TNFAIP2: variants seen among roughly 807,000 people sequenced by gnomAD.
The protein encoded by TNFAIP2 is TNF alpha induced protein 2, also known as tumor necrosis factor alpha-induced protein 2.
A neutral mutation model predicts 63.5 loss-of-function variants in TNFAIP2; 47 were observed. The observed-to-expected ratio is 0.74, with a 90% CI of 0.59 to 0.94. The LOEUF (loss-of-function observed/expected upper bound fraction) is 0.94, where lower values mean the gene tolerates loss of function less well. TNFAIP2 is among the 40% of genes least tolerant of loss of function. TNFAIP2 has a pLI of 0.00. For missense variants in TNFAIP2, 787 were observed against 850.2 expected (o/e 0.93, Z 0.92); for synonymous variants, 405 against 390.2 (o/e 1.04, Z -0.45).
rs1252686893 is a variant in TNFAIP2 at position 103,130,063 on chromosome 14, A to G, written c.1037A>G (p.Asp346Gly). 1 of 1,613,354 alleles carries G rather than the reference A, an allele frequency of 6.2e-7. No individual in the cohort carries two copies. Among genetic ancestry groups the G allele is most frequent in the Admixed American group, 1.7e-5 (1 of 60,014 alleles). The change falls in exon 5 of 12, where the codon GAT (aspartate) becomes GGT (glycine). Residue 346 changes from aspartate (D) to glycine (G), a missense_variant. Asp to Gly is a moderately conservative substitution (Grantham distance 94, BLOSUM62 -1). Coordinates refer to ENST00000560869, the MANE Select transcript of TNFAIP2 (RefSeq NM_006291.4). ...CTAGAGGCACGGCGCTGGGCTGAGG[A>G]TGTGCCTCCCCAGAGGCTGGACGGC... is the stretch of plus-strand genomic sequence containing the variant. The part of the protein sequence containing the change: ...LELEARRWAE[D>G]VPPQRLDGHC...
intron 9 of TNFAIP2, 101 bp from the exon 10 acceptor site, chr14:103,133,261 C>A: frequency 1.4e-6 from 2 of 1,437,058 alleles, no homozygotes; most frequent in Non-Finnish European, 1.9e-6. Flanking sequence ...TTTGCTCTGG[C>A]ATCTGCCTCT....
intron 3 of TNFAIP2, among the ~76,000 whole-genome samples, chr14:103,129,012 T>A (rs567948938): frequency 6.6e-6 from 1 of 152,230 alleles, no homozygotes; most frequent in East Asian, 1.9e-4. Flanking sequence ...AGAGAGAAGG[T>A]CATTTGTAAA....
In TNFAIP2 at chr14:103,137,070, C is replaced by T. The variant is rs541143896; in HGVS notation, c.*1710C>T. The T allele has an allele frequency of 2.6e-5, 4 of 152,384 alleles. No individual in the cohort carries two copies. Among genetic ancestry groups the T allele is most frequent in the Non-Finnish European group, 5.9e-5 (4 of 68,058 alleles). 9.4% of individuals were successfully genotyped at this position (152,384 alleles called of 1,614,324 possible). A position where few individuals can be genotyped will look rare whatever the true frequency, so the allele number is the denominator to read the frequency against. On this transcript the variant is annotated 3_prime_UTR_variant, in exon 12 of 12. Coordinates refer to ENST00000560869, the MANE Select transcript of TNFAIP2 (RefSeq NM_006291.4). ...GCTCTACCCCAGGAAAATGTGAGCTCGTTTTCCTGCTCGGCATGTGCTCCC... is the reference window on the plus strand; with the variant it reads ...GCTCTACCCCAGGAAAATGTGAGCTTGTTTTCCTGCTCGGCATGTGCTCCC...
In TNFAIP2 at chr14:103,131,699, C is replaced by G. The variant is rs1173890397; in HGVS notation, c.1359C>G (p.Pro453=). ...ACACCCTGAGCCTCCTGCTGGGCCC[C>G]CTGGGTGAGCTCAAGAGCCACGGCT... ...PQDTLSLLLG[P]LGELKSHGFD... is the part of the protein sequence containing the mutation. The change falls in exon 8 of 12, where the codon CCC becomes CCG. Residue 453 remains proline, a synonymous_variant. Transcript: ENST00000560869. The surrounding 1 kb of genome is among the most constrained non-coding windows in gnomAD (Gnocchi z 4.0). The G allele has an allele frequency of 6.2e-7, 1 of 1,610,134 alleles. No homozygotes were observed. Among genetic ancestry groups the G allele is most frequent in the South Asian group, 1.1e-5 (1 of 90,988 alleles).
rs2088077385 is a variant in TNFAIP2 at position 103,135,551 on chromosome 14, G to A, written c.*191G>A. The A allele has an allele frequency of 6.9e-7, 1 of 1,439,860 alleles. No homozygotes were observed. The allele number at this position is 1,439,860 out of a possible 1,614,324, so 89.2% of individuals were successfully genotyped here. ...TGGACAGACCTTGGTTTGTTTACAT[G>A]TCCGATGGGGGCAGGAGCTCCCATC... On this transcript the variant is annotated 3_prime_UTR_variant, in exon 12 of 12. Transcript: ENST00000560869. The surrounding 1 kb of genome is among the most constrained non-coding windows in gnomAD (Gnocchi z 7.6).
In TNFAIP2 at chr14:103,133,699, G is replaced by A. The variant is rs768150337; in HGVS notation, c.1719G>A (p.Trp573Ter). Reference protein sequence around the residue: ...FCTQHGSPATWLQPALPTLAE... With the variant: ...FCTQHGSPAT ...TCCTGCAGGGCTCCCCGGCGACCTG[G>A]CTGCAGCCTGCTCTCCCTACGCTGG... Residue 573 changes from tryptophan (W) to a stop codon, truncating the protein, a stop_gained, in exon 11 of 12, where the codon TGG becomes TGA. Transcript: ENST00000560869. LOFTEE classifies it high-confidence loss of function. The A allele has an allele frequency of 1.9e-6, 3 of 1,576,666 alleles. No individual in the cohort carries two copies. Among genetic ancestry groups the A allele is most frequent in the South Asian group, 1.1e-5 (1 of 87,584 alleles).
upstream of TNFAIP2, chr14:103,122,708 G>A (rs1339354197): frequency 2.2e-6 from 1 of 456,052 alleles, no homozygotes. Flanking sequence ...CTGGAGTCTG[G>A]GCCTTGGGCC....
In TNFAIP2 at chr14:103,136,111, T is replaced by C; in HGVS notation, c.*751T>C. ...CTCCTGGGTCCTCTCAGGCTCCCCC[T>C]TCCCCAAGGCAGGGACAGGCCCTGG... is the stretch of plus-strand genomic sequence containing the variant. On this transcript the variant is annotated 3_prime_UTR_variant, in exon 12 of 12. Transcript: ENST00000560869. 9.7e-7 allele frequency: 1 copy of C among 1,035,170 alleles called. No homozygotes were observed. The highest frequency in any genetic ancestry group is 1.2e-6 in the Non-Finnish European group (1 of 800,226). 64.1% of individuals were successfully genotyped at this position (1,035,170 alleles called of 1,614,324 possible).
intron 3 of TNFAIP2, among the ~76,000 whole-genome samples, chr14:103,129,505 G>T (rs1418437522): frequency 2.0e-4 from 2 of 10,080 alleles, no homozygotes; most frequent in African/African-American, 8.5e-4. Flanking sequence ...AGGACCTAAT[G>T]GGGGGGGGGT....
chr14:103,130,992 CT>C, intron 6 of TNFAIP2, 59 bp from the exon 7 acceptor site: 1 of 1,559,218 alleles, frequency 6.4e-7, no homozygotes, highest in African/African-American at 1.4e-5. Flanking sequence ...GGCAGGGAGG[CT>C]GCTGCTGTGG....
Position 103,133,389 on chromosome 14 carries a change from C to T in TNFAIP2, c.1573C>T (p.Leu525=). The T allele has an allele frequency of 6.2e-7, 1 of 1,613,804 alleles. No homozygotes were observed. The highest frequency in any genetic ancestry group is 8.5e-7 in the Non-Finnish European group (1 of 1,180,010). The change falls in exon 10 of 12, where the codon CTG becomes TTG. Residue 525 remains leucine, a synonymous_variant. Transcript: ENST00000560869. ...GCTCATGGAGGCCTTGCACCTGCAC[C>T]TGGTGAAGGAGTACATCATCCAACT... ...EELMEALHLH[L]VKEYIIQLSK... is the part of the protein sequence containing the mutation.
Position 103,135,401 on chromosome 14 carries a change from C to G in TNFAIP2, c.*41C>G. The G allele has an allele frequency of 6.4e-7, 1 of 1,565,318 alleles. No individual in the cohort carries two copies. The highest frequency in any genetic ancestry group is 8.6e-7 in the Non-Finnish European group (1 of 1,157,012). ...GACCTGCCTGTGAGTGCCCAGCAAG[C>G]CTTGGGCACACCCCGCTGGGAGCTG... On this transcript the variant is annotated 3_prime_UTR_variant, in exon 12 of 12. Coordinates refer to ENST00000560869, the MANE Select transcript of TNFAIP2 (RefSeq NM_006291.4). The surrounding 1 kb of genome is among the most constrained non-coding windows in gnomAD (Gnocchi z 7.6).
Position 103,127,214 on chromosome 14 carries a change from G to C in TNFAIP2, c.445G>C (p.Glu149Gln). Residue 149 changes from glutamate to glutamine, a missense_variant, in exon 3 of 12, where the codon GAG becomes CAG. Around this residue, in one of 3 missense-constraint regions of TNFAIP2, gnomAD observed 258 missense variants for 228.9 expected, o/e 1.13. Transcript: ENST00000560869. The surrounding 1 kb of genome is among the most constrained non-coding windows in gnomAD (Gnocchi z 5.1). ...VLRRPLEAPP[E>Q]RLRQALAVVA... ...GCGGCGGCCGCTGGAGGCGCCGCCC[G>C]AGCGGCTGCGCCAGGCGCTGGCCGT... 1 of 1,106,488 alleles carries C rather than the reference G, an allele frequency of 9.0e-7. No homozygotes were observed. 68.5% of individuals were successfully genotyped at this position (1,106,488 alleles called of 1,614,324 possible). A position where few individuals can be genotyped will look rare whatever the true frequency, so the allele number is the denominator to read the frequency against.
chr14:103,126,829 C>T (rs2139550052), intron 2 of TNFAIP2, 137 bp downstream of exon 2: 4 of 1,331,944 alleles, frequency 3.0e-6, no homozygotes, highest in Non-Finnish European at 4.0e-6. Flanking sequence ...TCACCTGTGC[C>T]GCAATCTGGG....
At chr14:103,126,934 G>C in intron 2 of TNFAIP2, 71 bp from the exon 3 acceptor site, 1 of 1,334,976 alleles carries the variant, frequency 7.5e-7, no homozygotes, top group Non-Finnish European at 9.6e-7. Flanking sequence ...GGACGGTCCC[G>C]CTTGGCGCTG....
chr14:103,128,671 G>C lies in TNFAIP2; in HGVS notation c.860+1042G>C, dbSNP rs373325439. ...AGCCTCTGGCAGAAGGATAGAGAAA[G>C]GGTCCAGTGGAGAGGGTGGGAGAGG... On this transcript the variant is annotated intron_variant, in intron 3 of 11. Coordinates refer to ENST00000560869, the MANE Select transcript of TNFAIP2 (RefSeq NM_006291.4). Among the ~76,000 whole-genome samples the C allele has an allele frequency of 1.2e-4, 18 of 152,320 alleles. No individual in the cohort carries two copies. In the East Asian group the frequency reaches 3.5e-3, roughly 29 times the overall value.
intron 1 of TNFAIP2, among the ~76,000 whole-genome samples, chr14:103,124,985 G>A (rs2087823800): frequency 6.6e-6 from 1 of 152,220 alleles, no homozygotes; most frequent in African/African-American, 2.4e-5. Flanking sequence ...GGAGGCAGCG[G>A]GGCCATGGGA....
rs553327684 is a variant in TNFAIP2, at chr14:103,123,910, G to C, written c.-190G>C. 64 of 152,482 alleles carry C rather than the reference G, an allele frequency of 4.2e-4. No homozygotes were observed. Among genetic ancestry groups the C allele is most frequent in the African/African-American group, 1.5e-3 (63 of 41,588 alleles). 9.4% of individuals were successfully genotyped at this position (152,482 alleles called of 1,614,324 possible). A position where few individuals can be genotyped will look rare whatever the true frequency, so the allele number is the denominator to read the frequency against. ...AGGAGCCGGGCCCAGCGAGCTCCCG[G>C]GAGGTGTGTGGACATCAGCCCTGAC... On this transcript the variant is annotated 5_prime_UTR_variant, in exon 1 of 12. Transcript: ENST00000560869.
chr14:103,125,432 C>T (rs193005613), intron 1 of TNFAIP2, among the ~76,000 whole-genome samples: 2 of 152,326 alleles, frequency 1.3e-5, no homozygotes, highest in African/African-American at 4.8e-5. Context: ...GAGTTCCAAG[C>T]CCAAGCTATT....
Sources: gnomAD v4.1 joint callset for allele counts (sites outside exome capture counted in the v4.1 genomes callset) on GRCh38, gnomAD v4.1.1 for gene constraint, gnomAD v4.1.1 regional missense constraint, Gnocchi (gnomAD v3.1) non-coding constraint, MANE v1.5 for transcripts, NCBI Gene and HGNC (gene_info 2026-07-23, HGNC 2026-07-21) for gene names.